RBFOX1: variants seen among roughly 807,000 people sequenced by gnomAD.
RBFOX1 encodes the protein RNA binding fox-1 homolog 1, also known as RNA binding protein fox-1 homolog 1.
A neutral mutation model predicts 57.7 loss-of-function variants in RBFOX1; 8 were observed. That is an observed-to-expected ratio of 0.14 (90% CI 0.08 to 0.25). RBFOX1 has a LOEUF of 0.25. Among genes scored for constraint, RBFOX1 ranks in the 10% least tolerant of loss-of-function variants. The pLI is 1.00. For missense variants in RBFOX1, 611 were observed against 548.5 expected, an observed-to-expected ratio of 1.11 and a Z score of -1.14; for synonymous variants, 326 against 222.4, an observed-to-expected ratio of 1.47 and a Z score of -4.15.
chr16:5,743,288 C>G (rs1283408955), intron 3 of RBFOX1, among the ~76,000 whole-genome samples: 3 of 152,162 alleles, frequency 2.0e-5, no homozygotes, highest in Non-Finnish European at 2.9e-5. Context: ...CTTCTGTTTT[C>G]TGAGTTATAC....
At chr16:6,060,630 A>C (rs1165317470) in intron 1 of RBFOX1, among the ~76,000 whole-genome samples, 2 of 152,150 alleles carry the variant, frequency 1.3e-5, no homozygotes, top group Non-Finnish European at 2.9e-5. Context: ...TGTGTTGCTA[A>C]GCAACACAGA....
intron 12 of RBFOX1, among the ~76,000 whole-genome samples, chr16:7,662,096 C>T (rs931486513): frequency 6.8e-4 from 104 of 152,186 alleles, no homozygotes; most frequent in Non-Finnish European, 2.8e-4. Context: ...AACTCTTGGC[C>T]CACACCCATG....
At chr16:5,657,686 T>G (rs1596620407) in intron 3 of RBFOX1, among the ~76,000 whole-genome samples, 1 of 138,644 alleles carries the variant, frequency 7.2e-6, no homozygotes, top group Admixed American at 7.3e-5. Flanking sequence ...TTTTCTTTCT[T>G]TCTTTCTTTC....
chr16:7,429,808 A>G (rs1234334053), intron 4 of RBFOX1, among the ~76,000 whole-genome samples: 1 of 152,054 alleles, frequency 6.6e-6, no homozygotes, highest in Non-Finnish European at 1.5e-5. Context: ...CTAACAGCAA[A>G]CTCTGCCTTT....
chr16:6,318,420 T>G (rs2081365340), intron 2 of RBFOX1, among the ~76,000 whole-genome samples: 1 of 152,168 alleles, frequency 6.6e-6, no homozygotes. Context: ...AAAGTTAAAT[T>G]TGCTTGTTAC....
chr16:5,956,935 C>G (rs1000647710), intron 4 of RBFOX1, among the ~76,000 whole-genome samples: 2 of 151,536 alleles, frequency 1.3e-5, no homozygotes, highest in African/African-American at 2.4e-5. Context: ...TCCCAAAGTG[C>G]TAGGGATTAC....
chr16:5,377,851 G>A (rs1208212994), intron 1 of RBFOX1, among the ~76,000 whole-genome samples: 1 of 151,620 alleles, frequency 6.6e-6, no homozygotes, highest in Non-Finnish European at 1.5e-5. Context: ...TTCAACACAA[G>A]TTTAAAACAC....
chr16:6,115,626 C>G (rs768605278), intron 1 of RBFOX1, among the ~76,000 whole-genome samples: 8 of 152,150 alleles, frequency 5.3e-5, no homozygotes, highest in African/African-American at 1.9e-4. Context: ...TATCTTTACT[C>G]TAAGCTAGTG....
At chr16:7,236,398 A>G (rs1011384634) in intron 4 of RBFOX1, among the ~76,000 whole-genome samples, 1 of 152,126 alleles carries the variant, frequency 6.6e-6, no homozygotes, top group Non-Finnish European at 1.5e-5. Context: ...ACCCTCTTTT[A>G]AGGTATTGTC....
intron 1 of RBFOX1, among the ~76,000 whole-genome samples, chr16:5,299,353 A>G (rs1251712266): frequency 1.3e-5 from 2 of 152,182 alleles, no homozygotes; most frequent in African/African-American, 4.8e-5. Context: ...GTGGATAGAC[A>G]TTTGTTTCCA....
intron 3 of RBFOX1, among the ~76,000 whole-genome samples, chr16:5,671,253 A>G (rs1379501307): frequency 6.6e-6 from 1 of 152,238 alleles, no homozygotes; most frequent in Non-Finnish European, 1.5e-5. Context: ...AAGAGCTGGG[A>G]GTGCACTTCA....
intron 4 of RBFOX1, among the ~76,000 whole-genome samples, chr16:7,089,513 C>G (rs1477108490): frequency 6.6e-6 from 1 of 152,130 alleles, no homozygotes; most frequent in African/African-American, 2.4e-5. Flanking sequence ...TGAACAGATT[C>G]TGGTTAATTA....
At chr16:6,477,998 CA>C (rs1175245854) in intron 2 of RBFOX1, among the ~76,000 whole-genome samples, 1 of 152,044 alleles carries the variant, frequency 6.6e-6, no homozygotes, top group African/African-American at 2.4e-5. Flanking sequence ...CCATAGAATT[CA>C]AGAGGATTAA....
At chr16:6,389,134 C>T (rs1241386547) in intron 2 of RBFOX1, among the ~76,000 whole-genome samples, 1 of 152,176 alleles carries the variant, frequency 6.6e-6, no homozygotes, top group Non-Finnish European at 1.5e-5. Context: ...GGGTGCTCAT[C>T]AGTACGTTCA....
At chr16:7,567,708 C>T (rs1450504059) in intron 5 of RBFOX1, among the ~76,000 whole-genome samples, 3 of 127,566 alleles carry the variant, frequency 2.4e-5, no homozygotes, top group Non-Finnish European at 4.9e-5. Flanking sequence ...TATATATAAT[C>T]CCTATATATA....
intron 3 of RBFOX1, among the ~76,000 whole-genome samples, chr16:5,856,575 G>GTGTGTGTGTGTGTATATATATATATA (rs1192496608): frequency 3.0e-5 from 1 of 32,920 alleles, no homozygotes; most frequent in African/African-American, 1.3e-4. Context: ...GTGTGTGTGT[G>GTGTGTGTGTGTGTATATATATATATA]TATATATATA....
intron 3 of RBFOX1, among the ~76,000 whole-genome samples, chr16:6,922,178 G>C (rs900113259): frequency 1.3e-5 from 2 of 152,160 alleles, no homozygotes; most frequent in African/African-American, 2.4e-5. Context: ...TGGATCCTGG[G>C]GGGTAGGTGC....
intron 3 of RBFOX1, among the ~76,000 whole-genome samples, chr16:5,826,877 C>T (rs962012833): frequency 6.6e-6 from 1 of 152,124 alleles, no homozygotes; most frequent in South Asian, 2.1e-4. Context: ...GTGGCAGGAG[C>T]AAGCTAAGGA....
intron 2 of RBFOX1, among the ~76,000 whole-genome samples, chr16:5,514,051 C>A (rs991704204): frequency 6.6e-6 from 1 of 152,160 alleles, no homozygotes; most frequent in Admixed American, 6.5e-5. Context: ...TGGACTGAAG[C>A]TATCAATTCA....
Sources: gnomAD v4.1 joint callset for allele counts (sites outside exome capture counted in the v4.1 genomes callset) on GRCh38, gnomAD v4.1.1 for gene constraint, MANE v1.5 for transcripts, NCBI Gene and HGNC (gene_info 2026-07-23, HGNC 2026-07-21) for gene names.